The following LOC400499 variants were observed in gnomAD, a reference collection of about 807,000 sequenced individuals.
chr16:11,411,045 G>A, the LOC400499 span, among the ~76,000 whole-genome samples: 30 of 152,250 alleles, frequency 2.0e-4, no homozygotes, highest in African/African-American at 4.8e-4. Flanking sequence ...TGGGGGCCAC[G>A]GGGGCTGGCC....
At chr16:11,459,647 G>C in the LOC400499 span, among the ~76,000 whole-genome samples, 4 of 152,348 alleles carry the variant, frequency 2.6e-5, no homozygotes, top group African/African-American at 9.6e-5. Flanking sequence ...TTTCAAAAAT[G>C]CATTTTTACA....
the LOC400499 span, among the ~76,000 whole-genome samples, chr16:11,395,015 C>T: frequency 0.46 from 70,434 of 152,058 alleles, 18,550 homozygotes; most frequent in Admixed American, 0.61. Context: ...TGAGGAGATC[C>T]AAGTTGGTAA....
chr16:11,451,725 G>C, the LOC400499 span, among the ~76,000 whole-genome samples: 1 of 152,194 alleles, frequency 6.6e-6, no homozygotes, highest in African/African-American at 2.4e-5. Context: ...ACAGACAAGG[G>C]GGAGTTGATC....
the LOC400499 span, among the ~76,000 whole-genome samples, chr16:11,486,481 GATGA>G: frequency 3.0e-5 from 4 of 134,764 alleles, no homozygotes; most frequent in African/African-American, 1.2e-4. Flanking sequence ...TGGGTGGGTA[GATGA>G]ATGAATGATG....
At chr16:11,424,622 T>A in the LOC400499 span, among the ~76,000 whole-genome samples, 6 of 152,182 alleles carry the variant, frequency 3.9e-5, no homozygotes, top group Admixed American at 3.3e-4. Flanking sequence ...CCATGTCCCT[T>A]AGGACTTCCA....
chr16:11,383,167 G>A, the LOC400499 span, among the ~76,000 whole-genome samples: 2 of 151,904 alleles, frequency 1.3e-5, no homozygotes, highest in Admixed American at 6.5e-5. Flanking sequence ...CTGGGTTCAC[G>A]CCATTCTCCT....
chr16:11,451,838 A>G, the LOC400499 span, among the ~76,000 whole-genome samples: 2 of 152,252 alleles, frequency 1.3e-5, no homozygotes, highest in African/African-American at 4.8e-5. Context: ...AGTGACGGGA[A>G]GGAGGAGCCG....
the LOC400499 span, among the ~76,000 whole-genome samples, chr16:11,457,323 G>A: frequency 6.6e-6 from 1 of 152,216 alleles, no homozygotes; most frequent in African/African-American, 2.4e-5. Context: ...GCCGGGCACG[G>A]TGGCTCACGC....
At chr16:11,482,201 C>A in the LOC400499 span, among the ~76,000 whole-genome samples, 1 of 152,234 alleles carries the variant, frequency 6.6e-6, no homozygotes, top group East Asian at 1.9e-4. Context: ...TGTAAACAAG[C>A]AAGATGAGCT....
chr16:11,414,991 G>A, the LOC400499 span, among the ~76,000 whole-genome samples: 1 of 152,308 alleles, frequency 6.6e-6, no homozygotes, highest in Admixed American at 6.5e-5. Flanking sequence ...GACATGCAGC[G>A]GGGGTGCAGT....
chr16:11,437,993 T>C, the LOC400499 span, among the ~76,000 whole-genome samples: 1 of 152,154 alleles, frequency 6.6e-6, no homozygotes, highest in South Asian at 2.1e-4. Flanking sequence ...GAAACCAGAA[T>C]GCCTGGGTTC....
chr16:11,382,028 CTGGGTTCAAGCGATT>C, the LOC400499 span, among the ~76,000 whole-genome samples: 2 of 152,042 alleles, frequency 1.3e-5, no homozygotes, highest in African/African-American at 4.8e-5. Flanking sequence ...CTGCAACCTC[CTGGGTTCAAGCGATT>C]CTCCTGCCTC....
At chr16:11,399,652 T>C in the LOC400499 span, 1 of 398,674 alleles carries the variant, frequency 2.5e-6, no homozygotes, top group Non-Finnish European at 4.4e-6. Context: ...CTGAGAAGCC[T>C]GGAGCGAGGG....
the LOC400499 span, among the ~76,000 whole-genome samples, chr16:11,458,549 G>A: frequency 6.6e-6 from 1 of 151,834 alleles, no homozygotes; most frequent in Non-Finnish European, 1.5e-5. Flanking sequence ...ACGGCTCTGT[G>A]TTAGCTAGAG....
the LOC400499 span, chr16:11,384,147 C>G: frequency 3.3e-6 from 4 of 1,214,242 alleles, no homozygotes; most frequent in East Asian, 6.3e-5. Context: ...CTGCCTCTCC[C>G]GGGACTCTGC....
chr16:11,460,734 G>A, the LOC400499 span: 1 of 1,366,672 alleles, frequency 7.3e-7, no homozygotes, highest in African/African-American at 1.5e-5. Context: ...TGCTCCACCT[G>A]TCACTCCATT....
chr16:11,510,667 C>T, the LOC400499 span, among the ~76,000 whole-genome samples: 2 of 151,630 alleles, frequency 1.3e-5, no homozygotes, highest in African/African-American at 4.9e-5. Flanking sequence ...CAGGCCTGTC[C>T]CCAGAGCCCC....
chr16:11,471,843 A>G, the LOC400499 span: 1 of 399,182 alleles, frequency 2.5e-6, no homozygotes, highest in Non-Finnish European at 4.4e-6. Context: ...AGCAGGCAGC[A>G]CTGGTCAGTG....
At chr16:11,415,607 A>C in the LOC400499 span, among the ~76,000 whole-genome samples, 1 of 152,196 alleles carries the variant, frequency 6.6e-6, no homozygotes, top group South Asian at 2.1e-4. Context: ...GGGCACAAGG[A>C]GACAGGGGAC....
Sources: gnomAD v4.1 joint callset for allele counts (sites outside exome capture counted in the v4.1 genomes callset) on GRCh38, gnomAD v4.1.1 for gene constraint, MANE v1.5 for transcripts.